Variants in POLR2B observed in about 807,000 individuals in gnomAD.
POLR2B encodes the protein RNA polymerase II subunit B, also known as DNA-directed RNA polymerase II subunit RPB2.
POLR2B carries 57 observed loss-of-function variants against 144.6 expected under a neutral mutation model. That is an observed-to-expected ratio of 0.39 (90% CI 0.32 to 0.49). POLR2B has a LOEUF of 0.49. Ranked by LOEUF, POLR2B falls within the 20% of genes least tolerant of loss-of-function variation. The pLI is 0.83. For synonymous variants in POLR2B, 442 were observed against 469.8 expected (o/e 0.94, Z 0.77); for missense variants, 595 against 1,467.4 (o/e 0.41, Z 9.71).
Position 56,993,429 on chromosome 4 carries a change from G to A in POLR2B, c.244-975G>A, listed in dbSNP as rs554488181. Among the ~76,000 whole-genome samples the A allele has an allele frequency of 1.0e-3, 152 of 152,304 alleles. 1 individual carries two copies. Among genetic ancestry groups the A allele is most frequent in the Non-Finnish European group, 8.8e-5 (6 of 68,022 alleles). On this transcript the variant is annotated intron_variant, in intron 3 of 24. Coordinates refer to ENST00000314595, the MANE Select transcript of POLR2B (RefSeq NM_000938.3). ...GGCACAGATAAGGAGTAGAGGATTGGCTTCCCTTTGGTTCGTTATCACCAC... is the reference window on the plus strand; with the variant it reads ...GGCACAGATAAGGAGTAGAGGATTGACTTCCCTTTGGTTCGTTATCACCAC...
intron 17 of POLR2B, among the ~76,000 whole-genome samples, chr4:57,021,539 T>C (rs78997959): frequency 0.026 from 3,743 of 141,980 alleles, 164 homozygotes; most frequent in African/African-American, 0.093. Flanking sequence ...AAGACTGGAA[T>C]GCAGTGGTGC....
At chr4:57,008,851 A>C (rs982955164) in intron 10 of POLR2B, among the ~76,000 whole-genome samples, 4 of 152,202 alleles carry the variant, frequency 2.6e-5, no homozygotes, top group Non-Finnish European at 5.9e-5. Flanking sequence ...CTGAATTAAA[A>C]GAGATGGAGG....
At chr4:57,024,774 CT>C (rs1426873082) in intron 21 of POLR2B, 111 bp from the exon 22 acceptor site, 1 of 618,014 alleles carries the variant, frequency 1.6e-6, no homozygotes, top group Non-Finnish European at 2.8e-6. Context: ...TAAAATAATA[CT>C]TTCAAATTTT....
At chr4:56,990,179 CAAG>C (rs1722469293) in intron 2 of POLR2B, among the ~76,000 whole-genome samples, 4 of 151,938 alleles carry the variant, frequency 2.6e-5, no homozygotes, top group African/African-American at 9.7e-5. Context: ...ACATATTTGT[CAAG>C]AAGTACTTCA....
chr4:57,026,336 A>G (rs1303662182), intron 23 of POLR2B, among the ~76,000 whole-genome samples: 3 of 152,170 alleles, frequency 2.0e-5, no homozygotes, highest in Non-Finnish European at 4.4e-5. Context: ...TCAGCCTTCC[A>G]AAGTGTTGGA....
Position 57,011,074 on chromosome 4 carries a change from C to T in POLR2B, c.1774C>T (p.Arg592Cys), listed in dbSNP as rs1316726875. 9 of 1,609,862 alleles carry T rather than the reference C, an allele frequency of 5.6e-6. No individual in the cohort carries two copies. Among genetic ancestry groups the T allele is most frequent in the Admixed American group, 1.7e-5 (1 of 59,986 alleles). The change falls in exon 13 of 25, where the codon CGT becomes TGT. Residue 592 changes from arginine to cysteine, a missense_variant. By Grantham distance (180) the Arg-to-Cys change is radical. Coordinates refer to ENST00000314595, the MANE Select transcript of POLR2B (RefSeq NM_000938.3). ...TATGAACACCCTAAGGAAATTGAGA[C>T]GTCAGATGGACATCATTGTGTCTGA... ...QLMNTLRKLR[R>C]QMDIIVSEVS...
chr4:57,022,253 G>A lies in POLR2B; in HGVS notation c.2515+7G>A. 6.5e-7 allele frequency: 1 copy of A among 1,540,598 alleles called. No homozygotes were observed. On this transcript the variant is annotated splice_region_variant and intron_variant, in intron 18 of 24. Transcript: ENST00000314595. ...ACACGTGAAACATGCCAGGGTAAGT[G>A]ACACTAACATTTAAATGATGGAATC...
At chr4:57,013,502 C>T (rs1723265683) in intron 13 of POLR2B, among the ~76,000 whole-genome samples, 1 of 152,106 alleles carries the variant, frequency 6.6e-6, no homozygotes, top group South Asian at 2.1e-4. Context: ...CCTTGGCTTC[C>T]CAAAGTGTTG....
chr4:57,004,295 C>G (rs920952411), intron 7 of POLR2B, among the ~76,000 whole-genome samples: 3 of 151,836 alleles, frequency 2.0e-5, no homozygotes, highest in African/African-American at 7.3e-5. Context: ...GTGATCTGCC[C>G]GCCTTGGCCT....
At chr4:56,994,357 A>G in intron 3 of POLR2B, 47 bp from the exon 4 acceptor site, 1 of 992,978 alleles carries the variant, frequency 1.0e-6, no homozygotes, top group Non-Finnish European at 1.5e-6. Flanking sequence ...TAAAACTTTT[A>G]TGGAAAAAAT....
chr4:57,017,787 G>T lies in POLR2B; in HGVS notation c.2323+59G>T. On this transcript the variant is annotated intron_variant, in intron 16 of 24. Transcript: ENST00000314595. This position sits in a 1 kb window ranked among gnomAD's most constrained non-coding sequence, Gnocchi z 4.8. ...CCTTCTGTGCTTAAGGCACTTTTCT[G>T]GGTGCTTGGGAGGATTAAAAAATAA... is the stretch of plus-strand genomic sequence containing the variant. The T allele has an allele frequency of 7.9e-7, 1 of 1,261,166 alleles. No homozygotes were observed. Among genetic ancestry groups the T allele is most frequent in the Non-Finnish European group, 1.1e-6 (1 of 897,702 alleles). 78.1% of individuals were successfully genotyped at this position (1,261,166 alleles called of 1,614,324 possible).
At chr4:56,979,763 A>T (rs1722095960) in intron 1 of POLR2B, among the ~76,000 whole-genome samples, 1 of 152,012 alleles carries the variant, frequency 6.6e-6, no homozygotes, top group Non-Finnish European at 1.5e-5. Context: ...GCCTAGTGTG[A>T]TGGCGTGCGC....
chr4:56,986,461 G>C (rs1314304092), intron 2 of POLR2B, 35 bp downstream of exon 2: 9 of 1,330,850 alleles, frequency 6.8e-6, no homozygotes, highest in Non-Finnish European at 9.7e-6. Context: ...GCCTGAAAAG[G>C]CACTTTAGAT....
chr4:57,005,811 A>C, intron 9 of POLR2B, 92 bp downstream of exon 9: 2 of 1,160,636 alleles, frequency 1.7e-6, no homozygotes, highest in South Asian at 3.0e-5. Flanking sequence ...CTGTGTTGGC[A>C]TCCACGTTGG....
At chr4:57,011,121 G>A (rs747337623) in intron 13 of POLR2B, 21 bp downstream of exon 13, 2 of 1,455,410 alleles carry the variant, frequency 1.4e-6, no homozygotes, top group Non-Finnish European at 1.9e-6. Flanking sequence ...TTAGTTAAGA[G>A]GGTGTGGACT....
chr4:56,998,656 C>T (rs997840688), intron 6 of POLR2B, among the ~76,000 whole-genome samples: 8 of 152,244 alleles, frequency 5.3e-5, no homozygotes, highest in African/African-American at 1.9e-4. Flanking sequence ...CTGTGCCCAG[C>T]TGTATTATTT....
At chr4:56,988,473 A>G (rs750606778) in intron 2 of POLR2B, among the ~76,000 whole-genome samples, 1 of 152,064 alleles carries the variant, frequency 6.6e-6, no homozygotes, top group African/African-American at 2.4e-5. Flanking sequence ...AGACCAGCCT[A>G]TGCAACATAG....
intron 9 of POLR2B, 61 bp from the exon 10 acceptor site, chr4:57,006,755 C>A: frequency 7.6e-7 from 1 of 1,316,636 alleles, no homozygotes; most frequent in Non-Finnish European, 1.1e-6. Context: ...AATATTCCTC[C>A]TGTTGAGAAT....
At chr4:57,015,260 C>T (rs1723329652) in intron 13 of POLR2B, among the ~76,000 whole-genome samples, 1 of 152,180 alleles carries the variant, frequency 6.6e-6, no homozygotes, top group African/African-American at 2.4e-5. Context: ...ACTTGCATGA[C>T]ATTATTACCA....
Sources: gnomAD v4.1 joint callset for allele counts (sites outside exome capture counted in the v4.1 genomes callset) on GRCh38, gnomAD v4.1.1 for gene constraint, Gnocchi (gnomAD v3.1) non-coding constraint, MANE v1.5 for transcripts, NCBI Gene and HGNC (gene_info 2026-07-23, HGNC 2026-07-21) for gene names.